Variants in CYP27C1 observed in about 807,000 individuals in gnomAD.
CYP27C1 encodes the protein cytochrome P450 27C1.
In CYP27C1, 29 loss-of-function variants were observed where a neutral mutation model predicts 40.6. The observed-to-expected ratio is 0.71, with a 90% confidence interval of 0.53 to 0.97. The LOEUF is 0.97. Ranked by LOEUF, CYP27C1 falls within the 50% of genes least tolerant of loss-of-function variation. The probability of loss-of-function intolerance (pLI) is 0.00; values close to 1 mark genes in which losing one functional copy is unlikely to be tolerated. For missense variants in CYP27C1, 390 were observed against 485.8 expected (o/e 0.80, Z 1.85); for synonymous variants, 198 against 186.8 (o/e 1.06, Z -0.49).
chr2:127,194,645 AC>A (rs1350751494), intron 6 of CYP27C1, among the ~76,000 whole-genome samples: 1 of 152,186 alleles, frequency 6.6e-6, no homozygotes, highest in Non-Finnish European at 1.5e-5. Flanking sequence ...TCACTCAAGA[AC>A]CATGAGGTTT....
intron 1 of CYP27C1, among the ~76,000 whole-genome samples, chr2:127,216,275 A>T (rs1400825871): frequency 6.6e-6 from 1 of 152,268 alleles, no homozygotes; most frequent in Non-Finnish European, 1.5e-5. Context: ...TACGGCTAAA[A>T]GGTGGAAACA....
intron 8 of CYP27C1, among the ~76,000 whole-genome samples, chr2:127,187,642 T>C (rs527606215): frequency 1.3e-5 from 2 of 152,350 alleles, no homozygotes; most frequent in Admixed American, 6.5e-5. Context: ...GGGACAGAGA[T>C]GCAGGCAGAT....
rs375770039 is a variant in CYP27C1, at chr2:127,188,107, C to G, written c.1498-720G>C. ...CTAAAGACTTCTGTCCACGGACAGG[C>G]TCCTGGGGGGAGGAGGGACCTTGCT... On this transcript the variant is annotated intron_variant, in intron 8 of 8. Coordinates refer to ENST00000664447, the MANE Select transcript of CYP27C1 (RefSeq NM_001367502.1). Among the ~76,000 whole-genome samples the G allele has an allele frequency of 5.9e-5, 9 of 152,190 alleles. No individual in the cohort carries two copies. The East Asian group carries it at 7.7e-4, about 13-fold the overall frequency.
At chr2:127,189,026 T>C (rs1186379069) in intron 8 of CYP27C1, among the ~76,000 whole-genome samples, 1 of 152,134 alleles carries the variant, frequency 6.6e-6, no homozygotes, top group Non-Finnish European at 1.5e-5. Context: ...CTCATTCCCA[T>C]GCGGTAGAGG....
chr2:127,204,555 G>GAGAGAGAAAGAAAGAAAGAA (rs1553503372), intron 2 of CYP27C1, among the ~76,000 whole-genome samples: 2 of 39,182 alleles, frequency 5.1e-5, no homozygotes, highest in Admixed American at 6.1e-4. Context: ...GAGAGAGAGA[G>GAGAGAGAAAGAAAGAAAGAA]AGAAAGAAAG....
chr2:127,204,472 G>GAAAGAAAGAAAGAAAGAA (rs1683138645), intron 2 of CYP27C1, among the ~76,000 whole-genome samples: 1 of 68,756 alleles, frequency 1.5e-5, no homozygotes, highest in Non-Finnish European at 3.0e-5. Flanking sequence ...AAGAAAGAAA[G>GAAAGAAAGAAAGAAAGAA]AAAGAAAGAA....
Position 127,201,018 on chromosome 2 carries a change from T to A in CYP27C1, c.883+104A>T. 8.7e-7 allele frequency: 1 copy of A among 1,144,632 alleles called. No individual in the cohort carries two copies. The highest frequency in any genetic ancestry group is 1.4e-5 in the South Asian group (1 of 69,454). 70.9% of individuals were successfully genotyped at this position (1,144,632 alleles called of 1,614,324 possible). A position where few individuals can be genotyped will look rare whatever the true frequency, so the allele number is the denominator to read the frequency against. Reference sequence around the variant, plus strand: ...CCAAAAACTAACACGTGACTACATCTAGGCATCCTCTGCTATGGTCACCCA... The same window carrying A: ...CCAAAAACTAACACGTGACTACATCAAGGCATCCTCTGCTATGGTCACCCA... On this transcript the variant is annotated intron_variant, in intron 4 of 8. Transcript: ENST00000664447. This position sits in a 1 kb window ranked among gnomAD's most constrained non-coding sequence, Gnocchi z 6.0.
intron 5 of CYP27C1, among the ~76,000 whole-genome samples, chr2:127,198,596 A>G (rs531653601): frequency 9.2e-5 from 14 of 152,288 alleles, no homozygotes; most frequent in South Asian, 8.3e-4. Context: ...TCAATGATGG[A>G]CCCAATATAC....
In CYP27C1 at chr2:127,201,129, G is replaced by C. The variant is rs939869286; in HGVS notation, c.876C>G (p.Phe292Leu). ...REFCRSWDGL[F>L]KFSQIHVDNK... The stretch of plus-strand genomic sequence containing the variant: ...TCTCAATTCTTCTCTTACTGAATTT[G>C]AAGAGTCCATCCCAGGACCTGCAGA... Residue 292 changes from phenylalanine to leucine, a missense_variant, in exon 4 of 9, where the codon TTC becomes TTG. Phe to Leu is a conservative substitution (Grantham distance 22). Transcript: ENST00000664447. This position sits in a 1 kb window ranked among gnomAD's most constrained non-coding sequence, Gnocchi z 6.0. The C allele has an allele frequency of 1.2e-6, 2 of 1,612,886 alleles. No homozygotes were observed. The highest frequency in any genetic ancestry group is 1.7e-6 in the Non-Finnish European group (2 of 1,179,870).
Position 127,192,624 on chromosome 2 carries a change from G to T in CYP27C1, c.1497+470C>A, listed in dbSNP as rs59480446. 9.2e-3 allele frequency among the ~76,000 whole-genome samples: 1,266 copies of T among 137,826 alleles called. 11 individuals carry two copies. Among genetic ancestry groups the T allele is most frequent in the African/African-American group, 0.032 (1,186 of 37,530 alleles). 90.4% of individuals were successfully genotyped at this position (137,826 alleles called of 152,430 possible). ...GAGCACCACTGTGCCTTTCCCGGGG[G>T]GGGGGGCTGCTGCTGACGGTGCCTG... On this transcript the variant is annotated intron_variant, in intron 8 of 8. Transcript: ENST00000664447.
intron 1 of CYP27C1, among the ~76,000 whole-genome samples, chr2:127,212,143 CA>C (rs753814252): frequency 6.6e-6 from 1 of 152,082 alleles, no homozygotes; most frequent in Non-Finnish European, 1.5e-5. Context: ...CTGAATAGAC[CA>C]ATAACAAGCT....
chr2:127,204,561 GAAAGAAAGAAAGAAAGAA>G lies in CYP27C1; in HGVS notation c.474-1008_474-991del, dbSNP rs1558931413. ...AGAGAGAGAGAGAGAGAGAGAGAAA[GAAAGAAAGAAAGAAAGAA>G]AGAAAGAAAGAAAGAAAGAAAGAAA... is the stretch of plus-strand genomic sequence containing the variant. On this transcript the variant is annotated intron_variant, in intron 2 of 8. Transcript: ENST00000664447. 6.7e-3 allele frequency among the ~76,000 whole-genome samples: 377 copies of G among 56,080 alleles called. 4 individuals carry two copies. Among genetic ancestry groups the G allele is most frequent in the Admixed American group, 9.2e-3 (40 of 4,358 alleles). The allele number at this position is 56,080 out of a possible 152,430, so 36.8% of individuals were successfully genotyped here. A position where few individuals can be genotyped will look rare whatever the true frequency, so the allele number is the denominator to read the frequency against.
In CYP27C1 at chr2:127,208,902, C is replaced by T. The variant is rs115970518; in HGVS notation, c.283-2812G>A. On this transcript the variant is annotated intron_variant, in intron 1 of 8. Transcript: ENST00000664447. The surrounding 1 kb of genome is among the most constrained non-coding windows in gnomAD (Gnocchi z 5.2). Reference sequence around the variant, plus strand: ...AGGGGTGGCCACAGTCTCTGCGGACCAGCAGATTTAGCCTCTTCTCCTGGT... The same window carrying T: ...AGGGGTGGCCACAGTCTCTGCGGACTAGCAGATTTAGCCTCTTCTCCTGGT... Among the ~76,000 whole-genome samples, 1,230 of 152,214 alleles carry T rather than the reference C, an allele frequency of 8.1e-3. 16 individuals carry two copies. The highest frequency in any genetic ancestry group is 0.028 in the African/African-American group (1,169 of 41,478).
intron 6 of CYP27C1, among the ~76,000 whole-genome samples, chr2:127,194,250 C>G (rs925429441): frequency 6.6e-6 from 1 of 152,072 alleles, no homozygotes; most frequent in African/African-American, 2.4e-5. Flanking sequence ...AAAGATACTT[C>G]GGCGATCGGA....
rs1270878470 is a variant in CYP27C1, at chr2:127,204,463, A to G, written c.474-892T>C. ...GAAAAAGAAAGAAAGAAAGAAAGAA[A>G]GAAAGAAAGAAAGAAAGAAAGAAAG... On this transcript the variant is annotated intron_variant, in intron 2 of 8. Coordinates refer to ENST00000664447, the MANE Select transcript of CYP27C1 (RefSeq NM_001367502.1). Among the ~76,000 whole-genome samples, 686 of 78,058 alleles carry G rather than the reference A, an allele frequency of 8.8e-3. 49 individuals carry two copies. Among genetic ancestry groups the G allele is most frequent in the Middle Eastern group, 0.019 (4 of 214 alleles). The allele number at this position is 78,058 out of a possible 152,430, so 51.2% of individuals were successfully genotyped here. A position where few individuals can be genotyped will look rare whatever the true frequency, so the allele number is the denominator to read the frequency against.
In CYP27C1 at chr2:127,211,361, GTTT is replaced by G. The variant is rs1156982574; in HGVS notation, c.283-5274_283-5272del. 2.4e-4 allele frequency among the ~76,000 whole-genome samples: 25 copies of G among 103,598 alleles called. 2 individuals are homozygous for G. Among genetic ancestry groups the G allele is most frequent in the Admixed American group, 1.7e-3 (17 of 9,852 alleles). The allele number at this position is 103,598 out of a possible 152,430, so 68.0% of individuals were successfully genotyped here. Reference sequence around the variant, plus strand: ...ATCTCTGGGATACAGCTAAAGCAGTGTTTTTTTGTTTTTTTTTTTTTTTTTTTT... The same window carrying G: ...ATCTCTGGGATACAGCTAAAGCAGTGTTTTGTTTTTTTTTTTTTTTTTTTT... On this transcript the variant is annotated intron_variant, in intron 1 of 8. Coordinates refer to ENST00000664447, the MANE Select transcript of CYP27C1 (RefSeq NM_001367502.1).
chr2:127,192,927 C>T (rs1682814926), intron 8 of CYP27C1, among the ~76,000 whole-genome samples, 167 bp downstream of exon 8: 1 of 152,220 alleles, frequency 6.6e-6, no homozygotes, highest in Non-Finnish European at 1.5e-5. Context: ...CCTCCCGCCT[C>T]AGCCTCCTGA....
In CYP27C1 at chr2:127,200,979, CA is replaced by C; in HGVS notation, c.883+142del. On this transcript the variant is annotated intron_variant, in intron 4 of 8. Transcript: ENST00000664447. The surrounding 1 kb of genome is among the most constrained non-coding windows in gnomAD (Gnocchi z 4.2). ...CTCCGTCTCAAAAAAAAAAAAAATC[CA>C]AAAGTTATGGGTCCAAAAACTAACA... is the stretch of plus-strand genomic sequence containing the variant. 1 of 864,672 alleles carries C rather than the reference CA, an allele frequency of 1.2e-6. No individual in the cohort carries two copies. Among genetic ancestry groups the C allele is most frequent in the Non-Finnish European group, 1.8e-6 (1 of 561,058 alleles). 53.6% of individuals were successfully genotyped at this position (864,672 alleles called of 1,614,324 possible).
At chr2:127,203,643 T>A in intron 2 of CYP27C1, 72 bp from the exon 3 acceptor site, 1 of 1,503,588 alleles carries the variant, frequency 6.7e-7, no homozygotes, top group Non-Finnish European at 9.0e-7. Flanking sequence ...AAGGAACCTC[T>A]AGAAAAAATT....
Sources: allele counts gnomAD v4.1 joint callset (sites outside exome capture counted in the v4.1 genomes callset), GRCh38; gene constraint gnomAD v4.1.1; non-coding constraint Gnocchi (gnomAD v3.1); transcripts MANE v1.5; gene names NCBI Gene and HGNC (gene_info 2026-07-23, HGNC 2026-07-21).